Variants in RPH3A observed in about 807,000 individuals in gnomAD.
RPH3A encodes rabphilin-3A.
RPH3A carries 48 observed loss-of-function variants against 102.2 expected under a neutral mutation model. The observed-to-expected ratio is 0.47, with a 90% CI of 0.37 to 0.60. RPH3A has a LOEUF of 0.60. RPH3A is among the 20% of genes least tolerant of loss of function. The probability of loss-of-function intolerance (pLI) is 0.00; values close to 1 mark genes in which losing one functional copy is unlikely to be tolerated. For synonymous variants in RPH3A, 310 were observed against 324.3 expected (o/e 0.96, Z 0.47); for missense variants, 781 against 910.1 (o/e 0.86, Z 1.83).
At position 112,823,151 on chromosome 12, in the gene RPH3A, T is replaced by G. The variant is rs2041809851; in HGVS notation, c.-18-5150T>G. Reference sequence around the variant, plus strand: ...TGTCTCTGAGGCTGAGAGGTGAAAATGCACCCAGGGGCCAGAGGGCCAGGA... The same window carrying G: ...TGTCTCTGAGGCTGAGAGGTGAAAAGGCACCCAGGGGCCAGAGGGCCAGGA... On this transcript the variant is annotated intron_variant, in intron 2 of 21. Transcript: ENST00000389385. Among the ~76,000 whole-genome samples, 3 of 152,088 alleles carry G rather than the reference T, an allele frequency of 2.0e-5. No homozygotes were observed. The South Asian group carries it at 6.2e-4, about 32-fold the overall frequency.
At chr12:112,696,551 T>C (rs565612081) in intron 1 of RPH3A, among the ~76,000 whole-genome samples, 107 of 152,314 alleles carry the variant, frequency 7.0e-4, no homozygotes, top group Non-Finnish European at 1.0e-3. Context: ...GACTCTTCAT[T>C]GCTAGGTTGT....
rs1489219685 is a variant in RPH3A at position 112,876,746 on chromosome 12, C to T, written c.1051C>T (p.His351Tyr). The stretch of plus-strand genomic sequence containing the variant: ...TGGAGCCAGAGAGGACCGAATGAGC[C>T]ACCCCTCCGGACCCTATTCCCAAGC... ...AVGAREDRMS[H>Y]PSGPYSQASA... The change falls in exon 13 of 22, where the codon CAC (histidine) becomes TAC (tyrosine). Residue 351 changes from histidine (H) to tyrosine (Y), a missense_variant. His to Tyr is a moderately conservative substitution (Grantham distance 83, BLOSUM62 2). Coordinates refer to ENST00000389385, the MANE Select transcript of RPH3A (RefSeq NM_001143854.2). 2 of 1,613,488 alleles carry T rather than the reference C, an allele frequency of 1.2e-6. No individual in the cohort carries two copies. Among genetic ancestry groups the T allele is most frequent in the South Asian group, 1.1e-5 (1 of 90,914 alleles).
chr12:112,813,147 C>T (rs1416487875), intron 2 of RPH3A, among the ~76,000 whole-genome samples: 1 of 152,192 alleles, frequency 6.6e-6, no homozygotes, highest in African/African-American at 2.4e-5. Flanking sequence ...TAGAAAGAGG[C>T]AGAGTGGGGA....
At chr12:112,597,975 TACAA>T (rs1208911572) in intron 1 of RPH3A, among the ~76,000 whole-genome samples, 1 of 152,196 alleles carries the variant, frequency 6.6e-6, no homozygotes, top group Admixed American at 6.5e-5. Context: ...ATTCCAGGAC[TACAA>T]ACAACTTCTG....
intron 1 of RPH3A, among the ~76,000 whole-genome samples, chr12:112,784,970 C>A (rs899869774): frequency 6.6e-6 from 1 of 152,194 alleles, no homozygotes; most frequent in South Asian, 2.1e-4. Flanking sequence ...CGCCTATAAT[C>A]CCAGCACTTT....
At chr12:112,665,494 C>A (rs2040078069) in intron 1 of RPH3A, among the ~76,000 whole-genome samples, 1 of 152,126 alleles carries the variant, frequency 6.6e-6, no homozygotes, top group South Asian at 2.1e-4. Context: ...CCTCAGTTTC[C>A]TCATCTGTAA....
chr12:112,823,888 G>A (rs2041822897), intron 2 of RPH3A, among the ~76,000 whole-genome samples: 1 of 152,180 alleles, frequency 6.6e-6, no homozygotes, highest in South Asian at 2.1e-4. Context: ...CAGGCCAGTA[G>A]GAAAACATCT....
At chr12:112,776,040 T>C (rs1228589321) in intron 1 of RPH3A, among the ~76,000 whole-genome samples, 1 of 152,082 alleles carries the variant, frequency 6.6e-6, no homozygotes, top group Non-Finnish European at 1.5e-5. Context: ...GGGTGGTTTT[T>C]AAAAGGGAAG....
intron 16 of RPH3A, among the ~76,000 whole-genome samples, chr12:112,885,451 T>C (rs2042988442): frequency 1.3e-5 from 2 of 152,248 alleles, no homozygotes; most frequent in African/African-American, 4.8e-5. Flanking sequence ...TACAACACTT[T>C]CTCTAATGTA....
intron 3 of RPH3A, among the ~76,000 whole-genome samples, chr12:112,832,678 C>T (rs2041988966): frequency 6.6e-6 from 1 of 152,108 alleles, no homozygotes. Context: ...TCCATCTCTG[C>T]AACAAATTAA....
At chr12:112,678,297 G>T (rs2040199299) in intron 1 of RPH3A, among the ~76,000 whole-genome samples, 1 of 80,418 alleles carries the variant, frequency 1.2e-5, no homozygotes, top group Admixed American at 1.1e-4. Flanking sequence ...AAGAAAGAAA[G>T]AAAGAAAGAG....
intron 1 of RPH3A, among the ~76,000 whole-genome samples, chr12:112,780,956 C>T: frequency 6.6e-6 from 1 of 152,050 alleles, no homozygotes; most frequent in Non-Finnish European, 1.5e-5. Context: ...GAGTTTGAGA[C>T]CAGCCTGGCC....
At chr12:112,588,074 A>T (rs2135961787) in intron 1 of RPH3A, among the ~76,000 whole-genome samples, 1 of 152,302 alleles carries the variant, frequency 6.6e-6, no homozygotes, top group East Asian at 1.9e-4. Context: ...GAGAGAACTG[A>T]GGTATAGGGA....
At chr12:112,837,652 T>C (rs1236376744) in intron 4 of RPH3A, 1 of 425,580 alleles carries the variant, frequency 2.3e-6, no homozygotes. Context: ...ACAGGCAAGA[T>C]CTGCTTTCTA....
chr12:112,865,632 G>A lies in RPH3A; in HGVS notation c.360+89G>A, dbSNP rs2042599680. On this transcript the variant is annotated intron_variant, in intron 6 of 21. Transcript: ENST00000389385. ...CCAGCTGTAGGGGTCACTGGGTCTT[G>A]GGGGTGGAGCTTGGATCCTGAAGAT... 1.1e-5 allele frequency: 16 copies of A among 1,421,674 alleles called. No individual in the cohort carries two copies. In the South Asian group the frequency reaches 2.1e-4, roughly 19 times the overall value. The allele number at this position is 1,421,674 out of a possible 1,614,324, so 88.1% of individuals were successfully genotyped here. A position where few individuals can be genotyped will look rare whatever the true frequency, so the allele number is the denominator to read the frequency against.
In RPH3A at chr12:112,896,847, C is replaced by A; in HGVS notation, c.*67C>A. The A allele has an allele frequency of 6.3e-7, 1 of 1,579,576 alleles. No homozygotes were observed. The highest frequency in any genetic ancestry group is 8.7e-7 in the Non-Finnish European group (1 of 1,154,786). On this transcript the variant is annotated 3_prime_UTR_variant, in exon 22 of 22. Coordinates refer to ENST00000389385, the MANE Select transcript of RPH3A (RefSeq NM_001143854.2). ...CAGCCTGCTCTAGCTGCCCACCGCA[C>A]CCTGATCTCTCTTCTCTATGCCTAC... is the stretch of plus-strand genomic sequence containing the variant.
intron 21 of RPH3A, 124 bp downstream of exon 21, chr12:112,895,997 C>T (rs1330877414): frequency 6.1e-6 from 4 of 659,696 alleles, no homozygotes; most frequent in Non-Finnish European, 1.1e-5. Flanking sequence ...TGTTCAAATG[C>T]TAAATTGAGA....
chr12:112,671,767 A>G (rs1233767298), intron 1 of RPH3A, among the ~76,000 whole-genome samples: 2 of 152,034 alleles, frequency 1.3e-5, no homozygotes, highest in African/African-American at 2.4e-5. Flanking sequence ...ACAGAGTAGC[A>G]GAGAGTACAT....
At chr12:112,810,255 C>G (rs2136119384) in intron 2 of RPH3A, among the ~76,000 whole-genome samples, 1 of 152,294 alleles carries the variant, frequency 6.6e-6, no homozygotes, top group East Asian at 1.9e-4. Flanking sequence ...CCCTCCTAAA[C>G]CCTCAAATGC....
Sources: allele counts gnomAD v4.1 joint callset (sites outside exome capture counted in the v4.1 genomes callset), GRCh38; gene constraint gnomAD v4.1.1; transcripts MANE v1.5; gene names NCBI Gene and HGNC (gene_info 2026-07-23, HGNC 2026-07-21).